The following VAV2 variants were observed in gnomAD, a reference collection of about 807,000 sequenced individuals.
VAV2 encodes the protein guanine nucleotide exchange factor VAV2.
In VAV2, 67 loss-of-function variants were observed where a neutral mutation model predicts 132.5. The observed-to-expected ratio is 0.51, with a 90% CI of 0.42 to 0.62. VAV2 has a LOEUF of 0.62. Among genes scored for constraint, VAV2 ranks in the 20% least tolerant of loss-of-function variants. The pLI, the probability that VAV2 is intolerant of heterozygous loss-of-function variation, is 0.00. For synonymous variants in VAV2, 492 were observed against 443.5 expected (o/e 1.11, Z -1.37); for missense variants, 938 against 1,153.6 (o/e 0.81, Z 2.71).
chr9:133,807,119 C>T (rs1162846815), intron 8 of VAV2, 139 bp downstream of exon 8: 13 of 966,538 alleles, frequency 1.3e-5, no homozygotes, highest in African/African-American at 5.0e-5. Context: ...GGTGGGGGCT[C>T]CTCCTTCCGG....
intron 12 of VAV2, 40 bp downstream of exon 12, chr9:133,795,628 C>T: frequency 6.2e-7 from 1 of 1,611,708 alleles, no homozygotes; most frequent in South Asian, 1.1e-5. Context: ...CGGGCTAAGC[C>T]AGACGGTGGC....
chr9:133,852,922 C>A (rs1211903812), intron 3 of VAV2, among the ~76,000 whole-genome samples: 1 of 152,218 alleles, frequency 6.6e-6, no homozygotes, highest in African/African-American at 2.4e-5. Context: ...CCAGGTTGCA[C>A]TGGCCAATGT....
intron 2 of VAV2, among the ~76,000 whole-genome samples, chr9:133,886,839 G>A (rs1482422137): frequency 6.6e-6 from 1 of 152,244 alleles, no homozygotes; most frequent in East Asian, 1.9e-4. Flanking sequence ...CCATACTCCA[G>A]GGGTCTGCTG....
At chr9:133,906,449 C>G (rs1399231128) in intron 2 of VAV2, among the ~76,000 whole-genome samples, 1 of 152,228 alleles carries the variant, frequency 6.6e-6, no homozygotes, top group African/African-American at 2.4e-5. Context: ...ACTCGCCCCA[C>G]TGACAGCTCA....
intron 1 of VAV2, among the ~76,000 whole-genome samples, chr9:133,970,348 A>G (rs1250038448): frequency 6.6e-6 from 1 of 152,274 alleles, no homozygotes; most frequent in Non-Finnish European, 1.5e-5. Context: ...CAGTTTCCCA[A>G]GCGGAGGCTG....
chr9:133,872,864 G>T (rs987875243), intron 2 of VAV2, among the ~76,000 whole-genome samples: 14 of 152,110 alleles, frequency 9.2e-5, no homozygotes, highest in Admixed American at 5.9e-4. Context: ...TGTAATCCTA[G>T]CACTCTGGGA....
chr9:133,875,137 GC>G (rs1838211550), intron 2 of VAV2, among the ~76,000 whole-genome samples: 1 of 152,132 alleles, frequency 6.6e-6, no homozygotes, highest in East Asian at 1.9e-4. Context: ...TTCTTTCACT[GC>G]CCCCAAGCTC....
At chr9:133,907,390 G>A (rs1354393550) in intron 2 of VAV2, among the ~76,000 whole-genome samples, 2 of 152,194 alleles carry the variant, frequency 1.3e-5, no homozygotes, top group Non-Finnish European at 1.5e-5. Flanking sequence ...AGCCCAGGCC[G>A]ATCCTGGCTG....
At chr9:133,967,131 T>C (rs1225410412) in intron 1 of VAV2, among the ~76,000 whole-genome samples, 1 of 150,032 alleles carries the variant, frequency 6.7e-6, no homozygotes, top group Admixed American at 6.7e-5. Flanking sequence ...TCAAAAGACA[T>C]ACAAATGGCC....
chr9:133,768,293 T>C lies in VAV2; in HGVS notation c.2589+149A>G. On this transcript the variant is annotated intron_variant, in intron 29 of 29. Coordinates refer to ENST00000371850, the MANE Select transcript of VAV2 (RefSeq NM_001134398.2). This position sits in a 1 kb window ranked among gnomAD's most constrained non-coding sequence, Gnocchi z 5.3. Reference sequence around the variant, plus strand: ...TTTCCCCCTGTGAATGCCAACCTTCTGGGCTGCTGTGAGGATGAGGGAGAT... The same window carrying C: ...TTTCCCCCTGTGAATGCCAACCTTCCGGGCTGCTGTGAGGATGAGGGAGAT... 8.7e-7 allele frequency: 1 copy of C among 1,152,082 alleles called. No homozygotes were observed. Among genetic ancestry groups the C allele is most frequent in the Non-Finnish European group, 1.2e-6 (1 of 837,768 alleles). 71.4% of individuals were successfully genotyped at this position (1,152,082 alleles called of 1,614,324 possible). A position where few individuals can be genotyped will look rare whatever the true frequency, so the allele number is the denominator to read the frequency against.
chr9:133,784,349 G>A lies in VAV2; in HGVS notation c.1602C>T (p.Thr534=). 1 of 1,614,214 alleles carries A rather than the reference G, an allele frequency of 6.2e-7. No individual in the cohort carries two copies. Among genetic ancestry groups the A allele is most frequent in the Non-Finnish European group, 8.5e-7 (1 of 1,180,030 alleles). Residue 534 remains threonine (T), a synonymous_variant, in exon 18 of 30, where the codon ACC becomes ACT. Coordinates refer to ENST00000371850, the MANE Select transcript of VAV2 (RefSeq NM_001134398.2). ...ACATTTTGCAGGCTTTGCAGTTGGT[G>A]GTCTTGTCAAACGTGTACATCTGGA... is the stretch of plus-strand genomic sequence containing the variant. ...HSFQMYTFDK[T]TNCKACKMFL...
At chr9:133,921,611 T>C (rs774509408) in intron 2 of VAV2, among the ~76,000 whole-genome samples, 2 of 152,360 alleles carry the variant, frequency 1.3e-5, no homozygotes, top group South Asian at 2.1e-4. Context: ...ATATAGTTCA[T>C]AATTAGTCTT....
chr9:133,931,133 A>G (rs577499117), intron 2 of VAV2, among the ~76,000 whole-genome samples: 15 of 152,246 alleles, frequency 9.9e-5, no homozygotes, highest in African/African-American at 3.6e-4. Flanking sequence ...GACACCAGAG[A>G]AGCAGCATCA....
Position 133,774,924 on chromosome 9 carries a change from C to T in VAV2, c.2135+11G>A. ...GGGATGGGTCTCCTCGAGCCCAGAG[C>T]CGCCACTTACTTGATGCTTATTGCA... is the stretch of plus-strand genomic sequence containing the variant. On this transcript the variant is annotated intron_variant, in intron 25 of 29. Coordinates refer to ENST00000371850, the MANE Select transcript of VAV2 (RefSeq NM_001134398.2). 4 of 1,607,716 alleles carry T rather than the reference C, an allele frequency of 2.5e-6. No homozygotes were observed. Among genetic ancestry groups the T allele is most frequent in the Non-Finnish European group, 3.4e-6 (4 of 1,176,206 alleles).
At chr9:133,934,087 T>C (rs549641635) in intron 2 of VAV2, among the ~76,000 whole-genome samples, 2 of 151,442 alleles carry the variant, frequency 1.3e-5, no homozygotes, top group East Asian at 3.9e-4. Context: ...GGTGAGTGGA[T>C]GAATGGCTGG....
chr9:133,765,929 G>C (rs535247465), intron 29 of VAV2, among the ~76,000 whole-genome samples: 1 of 152,108 alleles, frequency 6.6e-6, no homozygotes, highest in Admixed American at 6.5e-5. Context: ...GAAATTGTAC[G>C]TTTGAAATTT....
chr9:133,808,786 C>T (rs1835251440), intron 7 of VAV2, among the ~76,000 whole-genome samples: 1 of 152,210 alleles, frequency 6.6e-6, no homozygotes, highest in Non-Finnish European at 1.5e-5. Context: ...GCCGTAATCC[C>T]ACCCCGATTA....
chr9:133,931,026 T>TGGGAA (rs910845690), intron 2 of VAV2, among the ~76,000 whole-genome samples: 1 of 152,230 alleles, frequency 6.6e-6, no homozygotes, highest in African/African-American at 2.4e-5. Flanking sequence ...CGATTTCCTC[T>TGGGAA]GGGAAGGTTC....
rs190425232 is a variant in VAV2 at position 133,826,873 on chromosome 9, C to T, written c.449+7399G>A. 1.1e-4 allele frequency among the ~76,000 whole-genome samples: 16 copies of T among 152,298 alleles called. No homozygotes were observed. The highest frequency in any genetic ancestry group is 3.4e-4 in the African/African-American group (14 of 41,558). On this transcript the variant is annotated intron_variant, in intron 4 of 29. Coordinates refer to ENST00000371850, the MANE Select transcript of VAV2 (RefSeq NM_001134398.2). The surrounding 1 kb of genome is among the most constrained non-coding windows in gnomAD (Gnocchi z 4.2). ...TGGGGTGTGCAGCCTACTTCACAGA[C>T]AGGCAAGGGCAACCCTGCCACAGCG...
Sources: allele counts gnomAD v4.1 joint callset (sites outside exome capture counted in the v4.1 genomes callset), GRCh38; gene constraint gnomAD v4.1.1; non-coding constraint Gnocchi (gnomAD v3.1); transcripts MANE v1.5; gene names NCBI Gene and HGNC (gene_info 2026-07-23, HGNC 2026-07-21).